Variants in IL1RAPL1 observed in about 807,000 individuals in gnomAD.
The protein encoded by IL1RAPL1 is interleukin-1 receptor accessory protein-like 1.
Under a neutral mutation model 48.4 loss-of-function variants are expected in IL1RAPL1, and 3 were observed. The observed-to-expected ratio is 0.06, with a 90% CI of 0.03 to 0.16. The LOEUF is 0.16. IL1RAPL1 is among the 10% of genes least tolerant of loss of function. The pLI, the probability that IL1RAPL1 is intolerant of heterozygous loss-of-function variation, is 1.00. For missense variants in IL1RAPL1, 349 were observed against 530.6 expected (o/e 0.66, Z 3.36); for synonymous variants, 185 against 187.7 (o/e 0.99, Z 0.12).
chrX:29,824,981 G>GA lies in IL1RAPL1; in HGVS notation c.779-92475dup, dbSNP rs200714144. Among the ~76,000 whole-genome samples, 994 of 109,082 alleles carry GA rather than the reference G, an allele frequency of 9.1e-3. 11 individuals are homozygous for GA. The highest frequency in any genetic ancestry group is 0.032 in the African/African-American group (953 of 29,913). The allele number at this position is 109,082 out of a possible 115,157, so 94.7% of individuals were successfully genotyped here. On this transcript the variant is annotated intron_variant, in intron 6 of 10. Transcript: ENST00000378993. ...GGAGTAAATAAAAACACTTGTAGGG[G>GA]AAAAAAAATAATGGAGTGTTTTCTC...
At position 28,768,584 on chromosome X, in the gene IL1RAPL1, C is replaced by T. The variant is rs1013690534; in HGVS notation, c.-24-20736C>T. On this transcript the variant is annotated intron_variant, in intron 1 of 10. Transcript: ENST00000378993. ...TATTCTGTGATTAGAAATCGCATGA[C>T]TACAGCCTGTGTGTCAAATCATTAA... Among the ~76,000 whole-genome samples, 4 of 107,364 alleles carry T rather than the reference C, an allele frequency of 3.7e-5. No individual in the cohort carries two copies. The Admixed American group carries it at 4.1e-4, about 11-fold the overall frequency. 93.2% of individuals were successfully genotyped at this position (107,364 alleles called of 115,157 possible).
intron 2 of IL1RAPL1, among the ~76,000 whole-genome samples, chrX:29,020,396 T>C (rs2147401380): frequency 8.9e-6 from 1 of 112,256 alleles, no homozygotes; most frequent in South Asian, 3.7e-4. Flanking sequence ...ATACTTACCA[T>C]TGTGTTACAG....
At position 28,889,236 on chromosome X, in the gene IL1RAPL1, T is replaced by C. The variant is rs552011203; in HGVS notation, c.82+99811T>C. Among the ~76,000 whole-genome samples the C allele has an allele frequency of 2.9e-4, 32 of 111,525 alleles. No individual in the cohort carries two copies. In the South Asian group the frequency reaches 0.012, roughly 42 times the overall value. ...TTGCCTATACATATTAGACTATATATTTGACTTTGCATTTGCATAAAGAGC... is the reference window on the plus strand; with the variant it reads ...TTGCCTATACATATTAGACTATATACTTGACTTTGCATTTGCATAAAGAGC... On this transcript the variant is annotated intron_variant, in intron 2 of 10. Transcript: ENST00000378993.
At chrX:29,915,264 C>T (rs762332319) in intron 6 of IL1RAPL1, among the ~76,000 whole-genome samples, 5 of 111,852 alleles carry the variant, frequency 4.5e-5, no homozygotes, top group African/African-American at 1.6e-4. Flanking sequence ...ATCCCTGCAT[C>T]TTAGCCTGGG....
intron 1 of IL1RAPL1, among the ~76,000 whole-genome samples, chrX:28,688,034 T>C (rs1280339917): frequency 9.9e-6 from 1 of 100,671 alleles, no homozygotes; most frequent in Admixed American, 1.1e-4. Flanking sequence ...AACCCAGGAG[T>C]TGGAGGTTGC....
intron 1 of IL1RAPL1, among the ~76,000 whole-genome samples, chrX:28,752,149 A>G (rs1044735377): frequency 1.8e-5 from 2 of 111,935 alleles, no homozygotes; most frequent in African/African-American, 3.2e-5. Context: ...AAATTGTTCA[A>G]TTACCTAATG....
intron 2 of IL1RAPL1, among the ~76,000 whole-genome samples, chrX:29,012,750 G>T (rs1272598746): frequency 9.0e-6 from 1 of 111,474 alleles, no homozygotes; most frequent in African/African-American, 3.3e-5. Flanking sequence ...TCTTTTTTAT[G>T]CCCTGATTCA....
At chrX:29,540,742 T>C (rs1194093969) in intron 5 of IL1RAPL1, among the ~76,000 whole-genome samples, 1 of 111,765 alleles carries the variant, frequency 8.9e-6, no homozygotes, top group Admixed American at 9.5e-5. Context: ...AGAATAATAA[T>C]ACTGGACCCC....
At chrX:29,126,455 T>A (rs777139988) in intron 2 of IL1RAPL1, among the ~76,000 whole-genome samples, 24 of 112,489 alleles carry the variant, frequency 2.1e-4, no homozygotes, top group Non-Finnish European at 3.9e-4. Flanking sequence ...AAGTTATATG[T>A]CATAGCTGGT....
At chrX:28,741,745 T>C (rs1035532674) in intron 1 of IL1RAPL1, among the ~76,000 whole-genome samples, 21 of 111,965 alleles carry the variant, frequency 1.9e-4, no homozygotes, top group African/African-American at 6.5e-4. Flanking sequence ...ATAGATTCTT[T>C]CTTTTGCACC....
intron 5 of IL1RAPL1, among the ~76,000 whole-genome samples, chrX:29,609,811 G>T (rs905160045): frequency 5.3e-5 from 6 of 112,258 alleles, no homozygotes; most frequent in African/African-American, 1.9e-4. Flanking sequence ...AACTTATTGG[G>T]AATGAAATGA....
chrX:28,902,817 A>G (rs1007064758), intron 2 of IL1RAPL1, among the ~76,000 whole-genome samples: 1 of 111,299 alleles, frequency 9.0e-6, no homozygotes, highest in African/African-American at 3.3e-5. Context: ...TCTGCCTCCT[A>G]TCAGATCAGC....
rs370780794 is a variant in IL1RAPL1, at chrX:28,728,775, C to T, written c.-24-60545C>T. ...AACACTTTTTTATAATGAATATAAA[C>T]TCATTATATAGATGAAGAAGCTGAG... On this transcript the variant is annotated intron_variant, in intron 1 of 10. Coordinates refer to ENST00000378993, the MANE Select transcript of IL1RAPL1 (RefSeq NM_014271.4). Among the ~76,000 whole-genome samples, 33 of 111,446 alleles carry T rather than the reference C, an allele frequency of 3.0e-4. No homozygotes were observed. The East Asian group carries it at 4.2e-3, about 14-fold the overall frequency.
At chrX:29,414,823 T>C (rs1012603708) in intron 5 of IL1RAPL1, among the ~76,000 whole-genome samples, 4 of 112,067 alleles carry the variant, frequency 3.6e-5, no homozygotes, top group African/African-American at 1.3e-4. Flanking sequence ...TTATATTAAC[T>C]GCTTTTAGTT....
intron 2 of IL1RAPL1, among the ~76,000 whole-genome samples, chrX:29,136,772 G>A: frequency 8.9e-6 from 1 of 112,071 alleles, no homozygotes; most frequent in East Asian, 2.8e-4. Flanking sequence ...TATGGATAAT[G>A]TATGGATGAT....
chrX:28,637,160 A>G (rs906708288), intron 1 of IL1RAPL1, among the ~76,000 whole-genome samples: 2 of 111,300 alleles, frequency 1.8e-5, no homozygotes, highest in African/African-American at 3.3e-5. Flanking sequence ...ACCTTTTGCC[A>G]TGTCCCCCAC....
intron 2 of IL1RAPL1, among the ~76,000 whole-genome samples, chrX:28,912,871 G>A (rs941352274): frequency 9.0e-6 from 1 of 111,591 alleles, no homozygotes; most frequent in Non-Finnish European, 1.9e-5. Flanking sequence ...TAAAAAAATG[G>A]AATCATCAGC....
chrX:28,698,799 G>A (rs1209041480), intron 1 of IL1RAPL1, among the ~76,000 whole-genome samples: 1 of 111,239 alleles, frequency 9.0e-6, no homozygotes, highest in Non-Finnish European at 1.9e-5. Context: ...GACCATTCGT[G>A]GTCATCTTAT....
intron 2 of IL1RAPL1, among the ~76,000 whole-genome samples, chrX:28,984,897 T>G (rs1233642840): frequency 8.9e-6 from 1 of 112,055 alleles, no homozygotes; most frequent in Admixed American, 9.5e-5. Context: ...CTCTAGAGTT[T>G]AAGAAAAAAG....
Sources: gnomAD v4.1 joint callset for allele counts (sites outside exome capture counted in the v4.1 genomes callset) on GRCh38, gnomAD v4.1.1 for gene constraint, MANE v1.5 for transcripts, NCBI Gene and HGNC (gene_info 2026-07-23, HGNC 2026-07-21) for gene names.